Variants in HHIPL1 observed in about 807,000 individuals in gnomAD.
HHIPL1 encodes the protein HHIP like 1, also known as HHIP-like protein 1.
A neutral mutation model predicts 61.8 loss-of-function variants in HHIPL1; 43 were observed. That is an observed-to-expected ratio of 0.70 (90% CI 0.55 to 0.90). The LOEUF (loss-of-function observed/expected upper bound fraction) is 0.90, where lower values mean the gene tolerates loss of function less well. HHIPL1 is among the 40% of genes least tolerant of loss of function. HHIPL1 has a pLI of 0.00. For missense variants in HHIPL1, 1,056 were observed against 1,157.7 expected (o/e 0.91, Z 1.28); for synonymous variants, 482 against 515.8 (o/e 0.93, Z 0.89).
intron 7 of HHIPL1, 46 bp from the exon 8 acceptor site, chr14:99,672,271 T>C: frequency 6.7e-7 from 1 of 1,496,870 alleles, no homozygotes. Context: ...ACCCTCAGGG[T>C]GGGCTCCCAG....
the HHIPL1 span, among the ~76,000 whole-genome samples, chr14:99,619,240 A>G: frequency 4.7e-4 from 71 of 152,030 alleles, no homozygotes; most frequent in African/African-American, 1.6e-3. Context: ...AGGCAGGCAG[A>G]TCACGAGGTC....
rs1205953737 is a variant in HHIPL1 at position 99,675,608 on chromosome 14, C to T, written c.2331C>T (p.His777=). The T allele has an allele frequency of 1.1e-5, 17 of 1,524,758 alleles. No homozygotes were observed. Among genetic ancestry groups the T allele is most frequent in the East Asian group, 2.5e-5 (1 of 40,432 alleles). The allele number at this position is 1,524,758 out of a possible 1,614,324, so 94.5% of individuals were successfully genotyped here. A position where few individuals can be genotyped will look rare whatever the true frequency, so the allele number is the denominator to read the frequency against. ...AGGATGCGGGCGTCGTGTGCAGCCA[C>T]CAGAACCCCGACCTGTAGGCAACAC... ...HDEDAGVVCS[H]QNPDL Residue 777 remains histidine, a synonymous_variant, in exon 9 of 9, where the codon CAC becomes CAT. Transcript: ENST00000330710. The surrounding 1 kb of genome is among the most constrained non-coding windows in gnomAD (Gnocchi z 5.4).
the HHIPL1 span, among the ~76,000 whole-genome samples, chr14:99,610,048 G>T: frequency 6.6e-6 from 1 of 152,130 alleles, no homozygotes; most frequent in Non-Finnish European, 1.5e-5. Flanking sequence ...AGATTGATGG[G>T]GGCTGTCAGC....
the HHIPL1 span, among the ~76,000 whole-genome samples, chr14:99,613,119 T>C: frequency 6.6e-6 from 1 of 152,048 alleles, no homozygotes; most frequent in Non-Finnish European, 1.5e-5. Flanking sequence ...CCCCAGGCCT[T>C]GTCGTGACCT....
chr14:99,659,446 G>T lies in HHIPL1; in HGVS notation c.1065G>T (p.Lys355Asn). The T allele has an allele frequency of 6.7e-7, 1 of 1,481,504 alleles. No homozygotes were observed. The allele number at this position is 1,481,504 out of a possible 1,614,324, so 91.8% of individuals were successfully genotyped here. Residue 355 changes from lysine (K) to asparagine (N), a missense_variant, in exon 4 of 9, where the codon AAG (lysine) becomes AAT (asparagine). Lys to Asn is a moderately conservative substitution (Grantham distance 94). Transcript: ENST00000330710. ...NAQNKSALLG[K>N]VLRIDVDRKE... ...CCCGCAGGTCGGCGCTGCTGGGCAA[G>T]GTGCTGCGCATCGACGTGGACCGTA...
chr14:99,615,645 AAG>A, the HHIPL1 span, among the ~76,000 whole-genome samples: 1 of 8,464 alleles, frequency 1.2e-4, no homozygotes, highest in African/African-American at 1.8e-4. Context: ...GAAAGAAAGG[AAG>A]AGAGAGAGAG....
At chr14:99,638,931 G>A in the HHIPL1 span, among the ~76,000 whole-genome samples, 1 of 152,264 alleles carries the variant, frequency 6.6e-6, no homozygotes, top group Non-Finnish European at 1.5e-5. Context: ...GTCCAGCTGT[G>A]GCAGGAGCTC....
At chr14:99,659,814 T>A in intron 4 of HHIPL1, 58 bp downstream of exon 4, 1 of 768,612 alleles carries the variant, frequency 1.3e-6, no homozygotes, top group Non-Finnish European at 1.6e-6. Flanking sequence ...CCACCCCACC[T>A]GCTGTGCCGC....
intron 3 of HHIPL1, among the ~76,000 whole-genome samples, chr14:99,658,180 G>A (rs868729003): frequency 3.3e-5 from 5 of 152,314 alleles, no homozygotes; most frequent in South Asian, 2.1e-4. Flanking sequence ...GCTTTCTCAC[G>A]TTTGGGATGT....
chr14:99,654,188 CAAAAAAAA>C (rs754501639), intron 2 of HHIPL1, among the ~76,000 whole-genome samples: 29 of 90,000 alleles, frequency 3.2e-4, no homozygotes, highest in Admixed American at 1.4e-3. Flanking sequence ...GACTCTGTCT[CAAAAAAAA>C]AAAAAAAAAA....
chr14:99,660,454 T>A lies in HHIPL1; in HGVS notation c.1502+48T>A. ...GCCCCTGGCTGCTGCCACTGGCTCC[T>A]TGGGACTGGCTCCTTGGTAAAGGGG... On this transcript the variant is annotated intron_variant, in intron 5 of 8. Coordinates refer to ENST00000330710, the MANE Select transcript of HHIPL1 (RefSeq NM_001127258.3). This position sits in a 1 kb window ranked among gnomAD's most constrained non-coding sequence, Gnocchi z 4.9. 6.3e-7 allele frequency: 1 copy of A among 1,584,440 alleles called. No homozygotes were observed.
At chr14:99,637,411 CAAAT>C in the HHIPL1 span, among the ~76,000 whole-genome samples, 3,434 of 151,896 alleles carry the variant, frequency 0.023, 63 homozygotes, top group Non-Finnish European at 0.035. Context: ...AAACAAAAAA[CAAAT>C]AACATAATCA....
Position 99,675,309 on chromosome 14 carries a change from C to G in HHIPL1, c.2032C>G (p.Pro678Ala), listed in dbSNP as rs769359535. ...FRDGEVRLVR[P>A]AGLSSGSGRV... The stretch of plus-strand genomic sequence containing the variant: ...GGATGGCGAGGTGCGCCTGGTGCGG[C>G]CCGCGGGCCTGAGCTCTGGCAGCGG... Residue 678 changes from proline to alanine, a missense_variant, in exon 9 of 9, where the codon CCC becomes GCC. By Grantham distance (27) the Pro-to-Ala change is conservative. Coordinates refer to ENST00000330710, the MANE Select transcript of HHIPL1 (RefSeq NM_001127258.3). The surrounding 1 kb of genome is among the most constrained non-coding windows in gnomAD (Gnocchi z 5.4). The G allele has an allele frequency of 7.5e-7, 1 of 1,337,300 alleles. No individual in the cohort carries two copies. The highest frequency in any genetic ancestry group is 1.5e-5 in the African/African-American group (1 of 65,412). 82.8% of individuals were successfully genotyped at this position (1,337,300 alleles called of 1,614,324 possible). A position where few individuals can be genotyped will look rare whatever the true frequency, so the allele number is the denominator to read the frequency against.
chr14:99,631,064 C>CTTTCTTTCTTTCTTTCTTTCT, the HHIPL1 span, among the ~76,000 whole-genome samples: 3 of 122,310 alleles, frequency 2.5e-5, no homozygotes, highest in African/African-American at 9.7e-5. Context: ...TTCTTTCTTT[C>CTTTCTTTCTTTCTTTCTTTCT]TTTCTTTCTT....
chr14:99,680,345 C>T lies in HHIPL1; in HGVS notation c.*4719C>T, dbSNP rs1014022396. ...TTGAGAAGAATCAAGTTCTACAGGG[C>T]TGCTTAAAACACAGGTTGCTGGGTC... On this transcript the variant is annotated 3_prime_UTR_variant, in exon 9 of 9. Coordinates refer to ENST00000330710, the MANE Select transcript of HHIPL1 (RefSeq NM_001127258.3). 2 of 152,224 alleles carry T rather than the reference C, an allele frequency of 1.3e-5. No homozygotes were observed. Among genetic ancestry groups the T allele is most frequent in the African/African-American group, 4.8e-5 (2 of 41,446 alleles). The allele number at this position is 152,224 out of a possible 1,614,324, so 9.4% of individuals were successfully genotyped here.
the HHIPL1 span, among the ~76,000 whole-genome samples, chr14:99,613,708 A>T: frequency 6.6e-6 from 1 of 151,966 alleles, no homozygotes; most frequent in Non-Finnish European, 1.5e-5. Flanking sequence ...GAGGAGTTCG[A>T]GACCAGCCTG....
At chr14:99,656,956 C>G (rs1043847056) in intron 2 of HHIPL1, 44 bp from the exon 3 acceptor site, 4 of 1,527,126 alleles carry the variant, frequency 2.6e-6, no homozygotes, top group Non-Finnish European at 3.5e-6. Context: ...GTGTTTGGCT[C>G]ATGCGTGGAA....
At chr14:99,671,673 C>G (rs1378618323) in intron 7 of HHIPL1, among the ~76,000 whole-genome samples, 1 of 152,188 alleles carries the variant, frequency 6.6e-6, no homozygotes, top group African/African-American at 2.4e-5. Flanking sequence ...TTAAAAATGT[C>G]AAAGGAGACC....
In HHIPL1 at chr14:99,680,207, A is replaced by C. The variant is rs1463902513; in HGVS notation, c.*4581A>C. 1 of 152,020 alleles carries C rather than the reference A, an allele frequency of 6.6e-6. No homozygotes were observed. The highest frequency in any genetic ancestry group is 2.4e-5 in the African/African-American group (1 of 41,364). The allele number at this position is 152,020 out of a possible 1,614,324, so 9.4% of individuals were successfully genotyped here. On this transcript the variant is annotated 3_prime_UTR_variant, in exon 9 of 9. Transcript: ENST00000330710. ...TACAGCACCTCCACCCTGCCAGGCC[A>C]CCCATGTAAAGGCAGCCAATTCAGA... is the stretch of plus-strand genomic sequence containing the variant.
Sources: gnomAD v4.1 joint callset for allele counts (sites outside exome capture counted in the v4.1 genomes callset) on GRCh38, gnomAD v4.1.1 for gene constraint, Gnocchi (gnomAD v3.1) non-coding constraint, MANE v1.5 for transcripts, NCBI Gene and HGNC (gene_info 2026-07-23, HGNC 2026-07-21) for gene names.